NTN1: variants seen among roughly 807,000 people sequenced by gnomAD.
The protein encoded by NTN1 is netrin 1.
Under a neutral mutation model 54.2 loss-of-function variants are expected in NTN1, and 11 were observed. The observed-to-expected ratio is 0.20, with a 90% confidence interval of 0.13 to 0.34. NTN1 has a LOEUF of 0.34. Among genes scored for constraint, NTN1 ranks in the 10% least tolerant of loss-of-function variants. The probability of loss-of-function intolerance (pLI) is 1.00; values close to 1 mark genes in which losing one functional copy is unlikely to be tolerated. For synonymous variants in NTN1, 371 were observed against 382.0 expected (o/e 0.97, Z 0.33); for missense variants, 740 against 893.1 (o/e 0.83, Z 2.18).
chr17:9,029,580 C>G (rs2151509128), intron 2 of NTN1, among the ~76,000 whole-genome samples: 1 of 152,350 alleles, frequency 6.6e-6, no homozygotes, highest in South Asian at 2.1e-4. Flanking sequence ...GATATCTGCT[C>G]TCATGAGGTT....
At chr17:9,026,845 C>T (rs1276133631) in intron 2 of NTN1, among the ~76,000 whole-genome samples, 7 of 152,118 alleles carry the variant, frequency 4.6e-5, no homozygotes, top group Middle Eastern at 3.4e-3. Flanking sequence ...TGTGACAGGT[C>T]GAGCTTATGA....
rs150646351 is a variant in NTN1 at position 9,221,705 on chromosome 17, C to A, written c.1486+463C>A. 6.6e-6 allele frequency among the ~76,000 whole-genome samples: 1 copy of A among 152,226 alleles called. No homozygotes were observed. The highest frequency in any genetic ancestry group is 6.5e-5 in the Admixed American group (1 of 15,290). ...AGGCTGTAGCGGGGCCGGGAGTCTG[C>A]GCTGTAAACGGCTCACCACTCATTC... On this transcript the variant is annotated intron_variant, in intron 6 of 6. Coordinates refer to ENST00000173229, the MANE Select transcript of NTN1 (RefSeq NM_004822.3). This position sits in a 1 kb window ranked among gnomAD's most constrained non-coding sequence, Gnocchi z 4.5.
intron 2 of NTN1, among the ~76,000 whole-genome samples, chr17:9,152,987 G>A (rs1402522697): frequency 2.0e-5 from 3 of 152,216 alleles, no homozygotes; most frequent in East Asian, 1.9e-4. Context: ...TCCAGGGGGC[G>A]GCCAGGTGCG....
intron 2 of NTN1, among the ~76,000 whole-genome samples, chr17:9,145,390 A>G (rs1360983983): frequency 6.6e-6 from 1 of 152,200 alleles, no homozygotes; most frequent in Non-Finnish European, 1.5e-5. Context: ...CCCAGTGTGT[A>G]TCTTAAATAG....
At chr17:9,099,523 T>C (rs2092142674) in intron 2 of NTN1, among the ~76,000 whole-genome samples, 1 of 152,180 alleles carries the variant, frequency 6.6e-6, no homozygotes, top group Non-Finnish European at 1.5e-5. Context: ...CCTCCCTCTC[T>C]TCCTTCCTAC....
chr17:9,028,222 T>G (rs1452118507), intron 2 of NTN1, among the ~76,000 whole-genome samples: 1 of 152,110 alleles, frequency 6.6e-6, no homozygotes, highest in East Asian at 1.9e-4. Flanking sequence ...CTGAAACTAT[T>G]GTTGACAAAG....
intron 5 of NTN1, among the ~76,000 whole-genome samples, chr17:9,194,902 CA>C (rs1179986466): frequency 6.6e-6 from 1 of 152,174 alleles, no homozygotes; most frequent in Non-Finnish European, 1.5e-5. Context: ...TTCAGACCCA[CA>C]AAAATGGCAA....
chr17:9,141,974 A>G (rs993163737), intron 2 of NTN1, among the ~76,000 whole-genome samples: 7 of 152,128 alleles, frequency 4.6e-5, no homozygotes, highest in African/African-American at 1.2e-4. Flanking sequence ...CCCTGTCTCT[A>G]CTAAAAATAC....
chr17:9,073,413 G>T (rs866796134), intron 2 of NTN1, among the ~76,000 whole-genome samples: 8 of 152,192 alleles, frequency 5.3e-5, no homozygotes, highest in Non-Finnish European at 8.8e-5. Context: ...TTGAGTCAGG[G>T]CACAAATTTC....
intron 2 of NTN1, among the ~76,000 whole-genome samples, chr17:9,158,014 C>A (rs990442118): frequency 6.6e-6 from 1 of 152,176 alleles, no homozygotes; most frequent in African/African-American, 2.4e-5. Flanking sequence ...CCGAGGGATC[C>A]AGATGTGAGC....
At chr17:9,118,045 C>G (rs73268241) in intron 2 of NTN1, among the ~76,000 whole-genome samples, 18 of 152,350 alleles carry the variant, frequency 1.2e-4, no homozygotes, top group African/African-American at 4.1e-4. Context: ...CAGGCTCTCC[C>G]ATTTTCCAGG....
chr17:9,220,597 A>G (rs776736859), intron 5 of NTN1, among the ~76,000 whole-genome samples: 17 of 152,066 alleles, frequency 1.1e-4, no homozygotes, highest in Non-Finnish European at 1.9e-4. Flanking sequence ...GCCTCTCACC[A>G]GTAGGGCCCA....
chr17:9,189,127 G>A (rs1182793911), intron 5 of NTN1, among the ~76,000 whole-genome samples: 1 of 152,156 alleles, frequency 6.6e-6, no homozygotes, highest in Non-Finnish European at 1.5e-5. Flanking sequence ...TCTGTGCTAG[G>A]CACTGTTTCA....
chr17:9,175,178 G>A (rs1341641468), intron 3 of NTN1: 1 of 152,244 alleles, frequency 6.6e-6, no homozygotes, highest in African/African-American at 2.4e-5. Context: ...AGCCTTCAGG[G>A]ATCCCTTCAG....
intron 2 of NTN1, among the ~76,000 whole-genome samples, chr17:9,134,506 G>T (rs1286081944): frequency 6.6e-6 from 1 of 152,192 alleles, no homozygotes; most frequent in Non-Finnish European, 1.5e-5. Flanking sequence ...AACTTTAACA[G>T]AACTACTCAC....
chr17:9,132,214 C>T (rs777088857), intron 2 of NTN1, among the ~76,000 whole-genome samples: 1 of 152,146 alleles, frequency 6.6e-6, no homozygotes, highest in Non-Finnish European at 1.5e-5. Flanking sequence ...ACCCATCACA[C>T]TCACACTCTG....
chr17:9,089,893 T>A (rs2092104250), intron 2 of NTN1, among the ~76,000 whole-genome samples: 1 of 152,150 alleles, frequency 6.6e-6, no homozygotes, highest in South Asian at 2.1e-4. Flanking sequence ...CAAACTTTTT[T>A]TTTTAAACAC....
intron 5 of NTN1, among the ~76,000 whole-genome samples, chr17:9,204,098 G>A (rs983283198): frequency 3.9e-5 from 6 of 152,138 alleles, no homozygotes; most frequent in Non-Finnish European, 5.9e-5. Flanking sequence ...TCCTAGGATC[G>A]GTGATGAGGG....
chr17:9,075,242 A>C (rs1274881869), intron 2 of NTN1, among the ~76,000 whole-genome samples: 2 of 152,190 alleles, frequency 1.3e-5, no homozygotes, highest in Admixed American at 1.3e-4. Flanking sequence ...GCACTTTGGG[A>C]GGCCGAGGCG....
Sources: gnomAD v4.1 joint callset for allele counts (sites outside exome capture counted in the v4.1 genomes callset) on GRCh38, gnomAD v4.1.1 for gene constraint, Gnocchi (gnomAD v3.1) non-coding constraint, MANE v1.5 for transcripts, NCBI Gene and HGNC (gene_info 2026-07-23, HGNC 2026-07-21) for gene names.